GAB4: variants seen among roughly 807,000 people sequenced by gnomAD.
GAB4 encodes the protein GRB2-associated-binding protein 4.
In GAB4, 26 loss-of-function variants were observed where a neutral mutation model predicts 51.3. The ratio of observed to expected loss-of-function variants is 0.51; its 90% confidence interval spans 0.37 to 0.70. GAB4 has a LOEUF of 0.70. Ranked by LOEUF, GAB4 falls within the 30% of genes least tolerant of loss-of-function variation. GAB4 has a pLI of 0.00. For missense variants in GAB4, 759 were observed against 734.6 expected (o/e 1.03, Z -0.38); for synonymous variants, 329 against 291.2 (o/e 1.13, Z -1.32).
chr22:16,986,624 C>T (rs746913294), intron 3 of GAB4, among the ~76,000 whole-genome samples: 7 of 152,184 alleles, frequency 4.6e-5, no homozygotes, highest in Non-Finnish European at 8.8e-5. Context: ...CATATCTGGC[C>T]GATGCCAAGC....
rs1249918479 is a variant in GAB4 at position 16,968,389 on chromosome 22, A to C, written c.938-6T>G. The C allele has an allele frequency of 1.2e-6, 2 of 1,611,152 alleles. No homozygotes were observed. The highest frequency in any genetic ancestry group is 2.2e-5 in the South Asian group (2 of 91,030). On this transcript the variant is annotated splice_region_variant and splice_polypyrimidine_tract_variant and intron_variant, in intron 4 of 9. Coordinates refer to ENST00000400588, the MANE Select transcript of GAB4 (RefSeq NM_001037814.1). ...GGTGTACTTGCCGGAGGAAGCTACG[A>C]CAGAGGAAGGAGATCCACATGCATC...
At position 16,964,804 on chromosome 22, in the gene GAB4, T is replaced by C. The variant is rs1310709884; in HGVS notation, c.1438A>G (p.Thr480Ala). 1 of 1,613,682 alleles carries C rather than the reference T, an allele frequency of 6.2e-7. No individual in the cohort carries two copies. The highest frequency in any genetic ancestry group is 1.3e-5 in the African/African-American group (1 of 74,966). ...CTCTCTCCACTGTCTTCTGAGTCTGTGTTGGTGATGCTCTGCGTGGAGATG... is the reference window on the plus strand; with the variant it reads ...CTCTCTCCACTGTCTTCTGAGTCTGCGTTGGTGATGCTCTGCGTGGAGATG... The part of the protein sequence containing the change: ...HPISTQSITN[T>A]DSEDSGERYL... The change falls in exon 8 of 10, where the codon ACA becomes GCA. Residue 480 changes from threonine to alanine, a missense_variant. Thr to Ala is a moderately conservative substitution (Grantham distance 58). Around this residue, in one of 3 missense-constraint regions of GAB4, gnomAD observed 588 missense variants for 510.2 expected, o/e 1.15. Coordinates refer to ENST00000400588, the MANE Select transcript of GAB4 (RefSeq NM_001037814.1).
chr22:16,983,502 C>A (rs2060843283), intron 3 of GAB4, among the ~76,000 whole-genome samples: 1 of 152,096 alleles, frequency 6.6e-6, no homozygotes, highest in African/African-American at 2.4e-5. Context: ...CAAAGCAACC[C>A]TGAGCAAAAA....
chr22:17,007,799 G>A (rs2061053633), intron 1 of GAB4, 142 bp downstream of exon 1: 2 of 717,174 alleles, frequency 2.8e-6, no homozygotes, highest in Non-Finnish European at 4.5e-6. Context: ...CACTGGCGGG[G>A]AGTCGCCTTC....
intron 1 of GAB4, 75 bp downstream of exon 1, chr22:17,007,866 G>A: frequency 7.2e-7 from 1 of 1,381,504 alleles, no homozygotes; most frequent in Non-Finnish European, 9.7e-7. Context: ...GACCCAGGCC[G>A]CCTCCCCCAC....
chr22:16,998,355 C>G lies in GAB4; in HGVS notation c.175-6179G>C, dbSNP rs1392975747. Among the ~76,000 whole-genome samples the G allele has an allele frequency of 2.6e-5, 4 of 152,150 alleles. No individual in the cohort carries two copies. The East Asian group carries it at 7.7e-4, about 29-fold the overall frequency. ...TTCTGTAGTTCTCCTGGAAGAGGTC[C>G]TTCCTATCCCTTGTAAGTTGGATTC... is the stretch of plus-strand genomic sequence containing the variant. On this transcript the variant is annotated intron_variant, in intron 1 of 9. Transcript: ENST00000400588.
At chr22:16,997,631 GTTC>G (rs2060960318) in intron 1 of GAB4, among the ~76,000 whole-genome samples, 1 of 152,216 alleles carries the variant, frequency 6.6e-6, no homozygotes, top group Non-Finnish European at 1.5e-5. Context: ...CTGTGCAGAA[GTTC>G]TTTAGTTTAA....
intron 1 of GAB4, 111 bp from the exon 2 acceptor site, chr22:16,992,287 G>A (rs1601281846): frequency 2.1e-6 from 2 of 939,888 alleles, no homozygotes; most frequent in East Asian, 4.9e-5. Context: ...CTCAGCCTAT[G>A]TCTCCCTTTC....
chr22:16,986,720 A>T (rs2060871167), intron 3 of GAB4, among the ~76,000 whole-genome samples: 1 of 152,228 alleles, frequency 6.6e-6, no homozygotes, highest in Admixed American at 6.5e-5. Flanking sequence ...TCTGCCACTA[A>T]CTAGTTTAGT....
chr22:16,971,144 A>C (rs2060728374), intron 3 of GAB4, among the ~76,000 whole-genome samples: 1 of 152,314 alleles, frequency 6.6e-6, no homozygotes, highest in Non-Finnish European at 1.5e-5. Context: ...CAGTGAGCTG[A>C]GATCATGCTA....
intron 3 of GAB4, among the ~76,000 whole-genome samples, chr22:16,977,080 G>C (rs1311866004): frequency 6.6e-6 from 1 of 152,128 alleles, no homozygotes; most frequent in Non-Finnish European, 1.5e-5. Flanking sequence ...CCAAAATGTA[G>C]AGACCATCAA....
chr22:16,995,264 C>A (rs897240500), intron 1 of GAB4, among the ~76,000 whole-genome samples: 1 of 152,172 alleles, frequency 6.6e-6, no homozygotes, highest in African/African-American at 2.4e-5. Context: ...TACGGTTTCC[C>A]AAATCTGTAA....
intron 1 of GAB4, among the ~76,000 whole-genome samples, chr22:17,004,233 G>T (rs5748794): frequency 0.35 from 52,673 of 152,000 alleles, 9,483 homozygotes; most frequent in South Asian, 0.45. Flanking sequence ...ATTCACAGCC[G>T]ATTTCTACCA....
intron 1 of GAB4, among the ~76,000 whole-genome samples, chr22:17,005,199 C>T (rs1454880058): frequency 1.3e-5 from 2 of 152,184 alleles, no homozygotes; most frequent in African/African-American, 4.8e-5. Flanking sequence ...CATTCCTATA[C>T]ACCAATAATA....
rs1353899350 is a variant in GAB4, at chr22:16,975,860, C to T, written c.687-5667G>A. On this transcript the variant is annotated intron_variant, in intron 3 of 9. Coordinates refer to ENST00000400588, the MANE Select transcript of GAB4 (RefSeq NM_001037814.1). ...TCTGTAGTCTCCACTGGTGATACTC[C>T]ACTGGTGATATCTGCCGGTGATACA... 2.6e-5 allele frequency among the ~76,000 whole-genome samples: 4 copies of T among 152,238 alleles called. No homozygotes were observed. In the East Asian group the frequency reaches 5.8e-4, roughly 22 times the overall value.
At position 17,005,711 on chromosome 22, in the gene GAB4, T is replaced by C. The variant is rs532541155; in HGVS notation, c.174+2230A>G. 5.3e-5 allele frequency among the ~76,000 whole-genome samples: 8 copies of C among 152,324 alleles called. No homozygotes were observed. In the East Asian group the frequency reaches 1.3e-3, roughly 26 times the overall value. On this transcript the variant is annotated intron_variant, in intron 1 of 9. Transcript: ENST00000400588. ...ATAACACCACACATCTACAACCATCTGATCTTTGACAAACCTGACAAAAAC... is the reference window on the plus strand; with the variant it reads ...ATAACACCACACATCTACAACCATCCGATCTTTGACAAACCTGACAAAAAC...
In GAB4 at chr22:16,991,956, A is replaced by AGGT. The variant is rs770207961; in HGVS notation, c.392_394dup (p.Tyr131_Leu132insHis). On this transcript the variant is annotated inframe_insertion, in exon 2 of 10. Transcript: ENST00000400588. ...CATGTCCTCCCTGGTCTCAGCCACC[A>AGGT]GGTAAAAGGTACGCTCACTGGTCTT... The AGGT allele has an allele frequency of 6.2e-7, 1 of 1,613,974 alleles. No homozygotes were observed. The highest frequency in any genetic ancestry group is 1.3e-5 in the African/African-American group (1 of 74,938).
chr22:17,007,819 C>T (rs2061053833), intron 1 of GAB4, 122 bp downstream of exon 1: 6 of 873,530 alleles, frequency 6.9e-6, no homozygotes, highest in Middle Eastern at 3.7e-4. Context: ...CGCATGCAGA[C>T]GTGGAGAAGT....
chr22:17,000,643 A>T (rs1465368772), intron 1 of GAB4, among the ~76,000 whole-genome samples: 1 of 152,134 alleles, frequency 6.6e-6, no homozygotes, highest in Non-Finnish European at 1.5e-5. Context: ...TTTACGTTTA[A>T]GGTTAATATT....
Sources: gnomAD v4.1 joint callset for allele counts (sites outside exome capture counted in the v4.1 genomes callset) on GRCh38, gnomAD v4.1.1 for gene constraint, gnomAD v4.1.1 regional missense constraint, MANE v1.5 for transcripts, NCBI Gene and HGNC (gene_info 2026-07-23, HGNC 2026-07-21) for gene names.